The following AP2A1 variants were observed in gnomAD, a reference collection of about 807,000 sequenced individuals.
AP2A1 encodes AP-2 complex subunit alpha-1.
A neutral mutation model predicts 107.3 loss-of-function variants in AP2A1; 21 were observed. The ratio of observed to expected loss-of-function variants is 0.20; its 90% CI spans 0.14 to 0.28. The LOEUF (loss-of-function observed/expected upper bound fraction) is 0.28, where lower values mean the gene tolerates loss of function less well. Among genes scored for constraint, AP2A1 ranks in the 10% least tolerant of loss-of-function variants. The pLI is 1.00. For missense variants in AP2A1, 873 were observed against 1,307.7 expected, an observed-to-expected ratio of 0.67 and a Z score of 5.13; for synonymous variants, 602 against 564.8, an observed-to-expected ratio of 1.07 and a Z score of -0.93.
rs758123171 is a variant in AP2A1, at chr19:49,802,305, C to T, written c.2114+164C>T. The T allele has an allele frequency of 1.5e-4, 126 of 830,104 alleles. 1 individual carries two copies. In the South Asian group the frequency reaches 1.7e-3, roughly 11 times the overall value. The allele number at this position is 830,104 out of a possible 1,614,324, so 51.4% of individuals were successfully genotyped here. On this transcript the variant is annotated intron_variant, in intron 15 of 22. Coordinates refer to ENST00000354293, the MANE Select transcript of AP2A1 (RefSeq NM_130787.3). ...TGGCTGCTGCCTCCCCTGCCCCAGC[C>T]TCCCTGCTCACGCCCTCCCTCTGCC...
rs200255111 is a variant in AP2A1, at chr19:49,801,694, C to T, written c.1786-28C>T. 2.6e-6 allele frequency: 4 copies of T among 1,518,572 alleles called. No homozygotes were observed. The South Asian group carries it at 3.7e-5, about 14-fold the overall frequency. The allele number at this position is 1,518,572 out of a possible 1,614,324, so 94.1% of individuals were successfully genotyped here. On this transcript the variant is annotated intron_variant, in intron 13 of 22. Coordinates refer to ENST00000354293, the MANE Select transcript of AP2A1 (RefSeq NM_130787.3). Reference sequence around the variant, plus strand: ...CGCCCTCCCCTCCTCCTGACCCGAACTGACCTTCCCCACCCCGACCGCGCC... The same window carrying T: ...CGCCCTCCCCTCCTCCTGACCCGAATTGACCTTCCCCACCCCGACCGCGCC...
At chr19:49,800,866 T>C in intron 11 of AP2A1, 95 bp from the exon 12 acceptor site, 1 of 1,022,184 alleles carries the variant, frequency 9.8e-7, no homozygotes, top group Non-Finnish European at 1.4e-6. Flanking sequence ...CAGCAGAGCT[T>C]TCAGTGTTCC....
Position 49,793,010 on chromosome 19 carries a change from T to C in AP2A1, c.623T>C (p.Val208Ala). Residue 208 changes from valine (V) to alanine (A), a missense_variant, in exon 6 of 23, where the codon GTC (valine) becomes GCC (alanine). Around this residue, in one of 4 missense-constraint regions of AP2A1, gnomAD observed 157 missense variants for 212.6 expected, o/e 0.74. Transcript: ENST00000354293. ...DQHMGVVTAA[V>A]SLITCLCKKN... The stretch of plus-strand genomic sequence containing the variant: ...CTGCAGGGTGTGGTCACGGCCGCCG[T>C]CAGCCTCATCACCTGTCTCTGCAAG... 2 of 1,607,204 alleles carry C rather than the reference T, an allele frequency of 1.2e-6. No homozygotes were observed. Among genetic ancestry groups the C allele is most frequent in the Non-Finnish European group, 1.7e-6 (2 of 1,177,018 alleles).
Position 49,792,077 on chromosome 19 carries a change from C to A in AP2A1, c.603+13C>A, listed in dbSNP as rs538441143. ...TGACCAGCACATGGTGAGCCCCCAG[C>A]CCTCACACCCCCGGATACCCAGGGC... On this transcript the variant is annotated intron_variant, in intron 5 of 22. Coordinates refer to ENST00000354293, the MANE Select transcript of AP2A1 (RefSeq NM_130787.3). The A allele has an allele frequency of 8.1e-5, 130 of 1,609,478 alleles. No individual in the cohort carries two copies. In the East Asian group the frequency reaches 1.7e-3, roughly 21 times the overall value.
intron 15 of AP2A1, 59 bp downstream of exon 15, chr19:49,802,200 G>A: frequency 2.9e-6 from 4 of 1,401,106 alleles, no homozygotes; most frequent in South Asian, 1.2e-5. Context: ...GTCCCTTCTC[G>A]GCCTCTGTCC....
chr19:49,788,071 CCAG>C lies in AP2A1; in HGVS notation c.474-3859_474-3857del, dbSNP rs1319594746. Among the ~76,000 whole-genome samples the C allele has an allele frequency of 6.6e-6, 1 of 152,154 alleles. No individual in the cohort carries two copies. Among genetic ancestry groups the C allele is most frequent in the Non-Finnish European group, 1.5e-5 (1 of 68,006 alleles). Reference sequence around the variant, plus strand: ...AGGTGATCCTCCCACGTCAGCCACTCCAGCAGCCGGGACTACAGGCACAAGCCA... The same window carrying C: ...AGGTGATCCTCCCACGTCAGCCACTCCAGCCGGGACTACAGGCACAAGCCA... On this transcript the variant is annotated intron_variant, in intron 4 of 22. Coordinates refer to ENST00000354293, the MANE Select transcript of AP2A1 (RefSeq NM_130787.3). The surrounding 1 kb of genome is among the most constrained non-coding windows in gnomAD (Gnocchi z 4.5).
intron 4 of AP2A1, among the ~76,000 whole-genome samples, chr19:49,790,762 G>A (rs1485393763): frequency 6.6e-6 from 1 of 152,200 alleles, no homozygotes; most frequent in Non-Finnish European, 1.5e-5. Context: ...CCTCACAACA[G>A]GCAGAGGGAC....
Position 49,805,527 on chromosome 19 carries a change from G to A in AP2A1, c.2419G>A (p.Glu807Lys). 6.4e-7 allele frequency: 1 copy of A among 1,573,694 alleles called. No individual in the cohort carries two copies. Among genetic ancestry groups the A allele is most frequent in the Non-Finnish European group, 8.6e-7 (1 of 1,160,834 alleles). ...GAQVQQVLNI[E>K]CLRDFLTPPL... ...GCAGGTGCAGCAGGTGCTCAATATCGAGTGCCTGCGGGACTTCCTGACGCC... is the reference window on the plus strand; with the variant it reads ...GCAGGTGCAGCAGGTGCTCAATATCAAGTGCCTGCGGGACTTCCTGACGCC... Residue 807 changes from glutamate (E) to lysine (K), a missense_variant, in exon 19 of 23, where the codon GAG becomes AAG. Around this residue, in one of 4 missense-constraint regions of AP2A1, gnomAD observed 416 missense variants for 473.4 expected, o/e 0.88. Coordinates refer to ENST00000354293, the MANE Select transcript of AP2A1 (RefSeq NM_130787.3).
At chr19:49,784,008 G>C (rs372133826) in intron 4 of AP2A1, among the ~76,000 whole-genome samples, 2 of 152,318 alleles carry the variant, frequency 1.3e-5, no homozygotes, top group East Asian at 3.9e-4. Context: ...AGCCTTTTCT[G>C]AGGAAGCCCA....
intron 12 of AP2A1, 109 bp downstream of exon 12, chr19:49,801,167 C>T (rs1217416215): frequency 1.1e-5 from 13 of 1,141,990 alleles, no homozygotes; most frequent in African/African-American, 3.1e-5. Context: ...CCCATCCTCT[C>T]GGCCTCCACC....
Position 49,801,483 on chromosome 19 carries a change from C to G in AP2A1, c.1647C>G (p.Ile549Met), listed in dbSNP as rs1328496268. The change falls in exon 13 of 23, where the codon ATC becomes ATG. Residue 549 changes from isoleucine to methionine, a missense_variant. Around this residue, in one of 4 missense-constraint regions of AP2A1, gnomAD observed 213 missense variants for 443.5 expected, o/e 0.48. Coordinates refer to ENST00000354293, the MANE Select transcript of AP2A1 (RefSeq NM_130787.3). ...TGCTGTCCACCTACATCAAGTTCAT[C>G]AACCTCTTCCCCGAGACCAAGGCCA... ...ALLLSTYIKF[I>M]NLFPETKATI... 1.9e-6 allele frequency: 3 copies of G among 1,613,716 alleles called. No homozygotes were observed. The highest frequency in any genetic ancestry group is 2.5e-6 in the Non-Finnish European group (3 of 1,179,850).
chr19:49,805,163 C>T (rs2073347087), intron 18 of AP2A1: 1 of 382,132 alleles, frequency 2.6e-6, no homozygotes, highest in Non-Finnish European at 4.7e-6. Context: ...CACAGCCACT[C>T]AGGTGGTTAA....
chr19:49,777,634 CA>C (rs750227185), intron 1 of AP2A1, among the ~76,000 whole-genome samples: 405 of 95,666 alleles, frequency 4.2e-3, no homozygotes, highest in African/African-American at 7.0e-3. Context: ...GACTCCATCA[CA>C]AAAAAAAAAA....
chr19:49,777,077 A>G lies in AP2A1; in HGVS notation c.68-4680A>G, dbSNP rs1200600170. On this transcript the variant is annotated intron_variant, in intron 1 of 22. Coordinates refer to ENST00000354293, the MANE Select transcript of AP2A1 (RefSeq NM_130787.3). ...AACCCTGTCTCTACTAAAAATGCGG[A>G]AAAAAAAAAAAGCCAGGTGTGGTGG... Among the ~76,000 whole-genome samples, 6 of 110,810 alleles carry G rather than the reference A, an allele frequency of 5.4e-5. No homozygotes were observed. In the East Asian group the frequency reaches 1.3e-3, roughly 23 times the overall value. 72.7% of individuals were successfully genotyped at this position (110,810 alleles called of 152,430 possible). A position where few individuals can be genotyped will look rare whatever the true frequency, so the allele number is the denominator to read the frequency against.
intron 1 of AP2A1, among the ~76,000 whole-genome samples, chr19:49,767,593 G>A (rs896252776): frequency 2.0e-5 from 3 of 152,096 alleles, no homozygotes; most frequent in African/African-American, 7.2e-5. Flanking sequence ...CCTGTGGAGC[G>A]ATGGAATGGG....
rs188032320 is a variant in AP2A1 at position 49,798,151 on chromosome 19, T to G, written c.815-651T>G. On this transcript the variant is annotated intron_variant, in intron 7 of 22. Coordinates refer to ENST00000354293, the MANE Select transcript of AP2A1 (RefSeq NM_130787.3). ...ATTTTTTGCTGGAACGCTTGACAGCTCTTGCATACACTTGAAAACACGTCA... is the reference window on the plus strand; with the variant it reads ...ATTTTTTGCTGGAACGCTTGACAGCGCTTGCATACACTTGAAAACACGTCA... Among the ~76,000 whole-genome samples the G allele has an allele frequency of 8.8e-3, 1,343 of 152,338 alleles. 8 individuals are homozygous for G. Among genetic ancestry groups the G allele is most frequent in the Middle Eastern group, 0.024 (7 of 294 alleles).
Position 49,795,530 on chromosome 19 carries a change from G to A in AP2A1, c.706-100G>A, listed in dbSNP as rs2073200951. 5 of 764,248 alleles carry A rather than the reference G, an allele frequency of 6.5e-6. No individual in the cohort carries two copies. The East Asian group carries it at 8.1e-5, about 12-fold the overall frequency. The allele number at this position is 764,248 out of a possible 1,614,324, so 47.3% of individuals were successfully genotyped here. A position where few individuals can be genotyped will look rare whatever the true frequency, so the allele number is the denominator to read the frequency against. On this transcript the variant is annotated intron_variant, in intron 6 of 22. Transcript: ENST00000354293. Reference sequence around the variant, plus strand: ...ACTAACAAAACCATTAACACTGACAGCACTGCCCTTGGAAGGCACCATTTG... The same window carrying A: ...ACTAACAAAACCATTAACACTGACAACACTGCCCTTGGAAGGCACCATTTG...
At chr19:49,773,238 A>C (rs1962528275) in intron 1 of AP2A1, among the ~76,000 whole-genome samples, 1 of 152,184 alleles carries the variant, frequency 6.6e-6, no homozygotes, top group African/African-American at 2.4e-5. Context: ...GTATTATCTC[A>C]CAGGGAGCAA....
chr19:49,778,751 T>C (rs926291368), intron 1 of AP2A1, among the ~76,000 whole-genome samples: 7 of 152,166 alleles, frequency 4.6e-5, no homozygotes, highest in African/African-American at 1.4e-4. Flanking sequence ...AATGTTGATA[T>C]GCGGGGCAGG....
Sources: gnomAD v4.1 joint callset for allele counts (sites outside exome capture counted in the v4.1 genomes callset) on GRCh38, gnomAD v4.1.1 for gene constraint, gnomAD v4.1.1 regional missense constraint, Gnocchi (gnomAD v3.1) non-coding constraint, MANE v1.5 for transcripts, NCBI Gene and HGNC (gene_info 2026-07-23, HGNC 2026-07-21) for gene names.